The following AP3B1 variants were observed in gnomAD, a reference collection of about 807,000 sequenced individuals.
AP3B1 encodes adaptor related protein complex 3 subunit beta 1, also known as AP-3 complex subunit beta-1.
AP3B1 carries 61 observed loss-of-function variants against 132.5 expected under a neutral mutation model. The ratio of observed to expected loss-of-function variants is 0.46; its 90% CI spans 0.37 to 0.57. The LOEUF is 0.57. Ranked by LOEUF, AP3B1 falls within the 20% of genes least tolerant of loss-of-function variation. The pLI, the probability that AP3B1 is intolerant of heterozygous loss-of-function variation, is 0.00. For synonymous variants in AP3B1, 388 were observed against 438.3 expected, an observed-to-expected ratio of 0.89 and a Z score of 1.43; for missense variants, 1,120 against 1,289.4, an observed-to-expected ratio of 0.87 and a Z score of 2.01.
At chr5:78,216,029 A>C in intron 7 of AP3B1, 26 bp downstream of exon 7, 3 of 1,612,972 alleles carry the variant, frequency 1.9e-6, no homozygotes, top group Non-Finnish European at 2.5e-6. Context: ...AGTATACTTG[A>C]AAGTGGAAGA....
intron 1 of AP3B1, among the ~76,000 whole-genome samples, chr5:78,293,953 C>T (rs1279649563): frequency 6.6e-6 from 1 of 152,026 alleles, no homozygotes; most frequent in African/African-American, 2.4e-5. Context: ...TGGTGTAAAC[C>T]AGTTTGTCCA....
chr5:78,288,272 C>T (rs948022280), intron 1 of AP3B1, among the ~76,000 whole-genome samples: 7 of 152,188 alleles, frequency 4.6e-5, no homozygotes, highest in Non-Finnish European at 1.0e-4. Flanking sequence ...GGTTAGTTCA[C>T]ATTAGCCTAA....
At chr5:78,137,486 A>G (rs1026893461) in intron 15 of AP3B1, among the ~76,000 whole-genome samples, 1 of 152,198 alleles carries the variant, frequency 6.6e-6, no homozygotes, top group African/African-American at 2.4e-5. Flanking sequence ...TCAAGCCAGA[A>G]GGACTTTGAA....
intron 2 of AP3B1, among the ~76,000 whole-genome samples, chr5:78,257,304 TAAAC>T (rs1164970571): frequency 2.0e-5 from 3 of 152,098 alleles, no homozygotes; most frequent in South Asian, 4.1e-4. Flanking sequence ...TTAGAACTGA[TAAAC>T]AAATTAAGTA....
intron 15 of AP3B1, among the ~76,000 whole-genome samples, chr5:78,134,857 A>C (rs1266006820): frequency 1.3e-5 from 2 of 152,136 alleles, no homozygotes; most frequent in Non-Finnish European, 1.5e-5. Context: ...TTAGTTTCTT[A>C]ATTTCATGAC....
intron 22 of AP3B1, among the ~76,000 whole-genome samples, chr5:78,061,291 A>C (rs563968182): frequency 5.9e-5 from 9 of 152,332 alleles, no homozygotes; most frequent in African/African-American, 2.2e-4. Flanking sequence ...GACAGACATT[A>C]ATTTCTGATA....
intron 6 of AP3B1, among the ~76,000 whole-genome samples, chr5:78,225,173 T>A (rs1746353284): frequency 6.6e-6 from 1 of 152,054 alleles, no homozygotes; most frequent in African/African-American, 2.4e-5. Flanking sequence ...TCCTCAGTAG[T>A]TTTGAGAAAT....
At chr5:78,100,652 G>T (rs1336197160) in intron 21 of AP3B1, among the ~76,000 whole-genome samples, 1 of 152,184 alleles carries the variant, frequency 6.6e-6, no homozygotes, top group Non-Finnish European at 1.5e-5. Flanking sequence ...CAATGTAGAA[G>T]TTATAAGGTA....
intron 17 of AP3B1, among the ~76,000 whole-genome samples, chr5:78,124,202 G>A (rs1752362573): frequency 6.6e-6 from 1 of 152,168 alleles, no homozygotes. Flanking sequence ...CTGTTGTGGG[G>A]TGGGGCGAGT....
At chr5:78,222,933 A>T (rs753105166) in intron 6 of AP3B1, among the ~76,000 whole-genome samples, 2 of 152,088 alleles carry the variant, frequency 1.3e-5, no homozygotes, top group Non-Finnish European at 2.9e-5. Flanking sequence ...ATTCTGAAGC[A>T]ATAGTTTCTC....
At chr5:78,134,174 A>C (rs1198982314) in intron 15 of AP3B1, among the ~76,000 whole-genome samples, 1 of 148,564 alleles carries the variant, frequency 6.7e-6, no homozygotes, top group Admixed American at 6.8e-5. Flanking sequence ...AAAGAAATAC[A>C]TTATTTAAAA....
At chr5:78,237,486 A>C (rs1746927707) in intron 3 of AP3B1, among the ~76,000 whole-genome samples, 1 of 151,982 alleles carries the variant, frequency 6.6e-6, no homozygotes, top group Non-Finnish European at 1.5e-5. Context: ...AGCAAGAAGC[A>C]TACTTTAAAA....
intron 1 of AP3B1, among the ~76,000 whole-genome samples, chr5:78,294,202 C>A (rs1466857239): frequency 6.6e-6 from 1 of 152,214 alleles, no homozygotes; most frequent in African/African-American, 2.4e-5. Context: ...GATCTAAGCT[C>A]ACCAAGTGGT....
chr5:78,186,056 T>C (rs534651065), intron 7 of AP3B1, among the ~76,000 whole-genome samples: 2 of 152,014 alleles, frequency 1.3e-5, no homozygotes, highest in South Asian at 2.1e-4. Context: ...AAATAAATAA[T>C]TAGATTAAAT....
chr5:78,059,350 T>C (rs1245269044), intron 22 of AP3B1, among the ~76,000 whole-genome samples: 2 of 152,196 alleles, frequency 1.3e-5, no homozygotes, highest in African/African-American at 4.8e-5. Context: ...TGAAAAATAA[T>C]AATAAATTTG....
intron 22 of AP3B1, among the ~76,000 whole-genome samples, chr5:78,078,214 T>G (rs1282360917): frequency 3.9e-5 from 6 of 152,204 alleles, no homozygotes; most frequent in African/African-American, 1.4e-4. Flanking sequence ...AATGTCATTG[T>G]CCTTTCCTCT....
intron 6 of AP3B1, among the ~76,000 whole-genome samples, chr5:78,217,029 C>T (rs1053469192): frequency 2.0e-5 from 3 of 152,048 alleles, no homozygotes; most frequent in African/African-American, 7.2e-5. Flanking sequence ...TCTATACGTA[C>T]AAATGATATA....
At chr5:78,126,001 G>A (rs981019416) in intron 17 of AP3B1, among the ~76,000 whole-genome samples, 1 of 151,774 alleles carries the variant, frequency 6.6e-6, no homozygotes, top group Non-Finnish European at 1.5e-5. Context: ...GGTGGGTGGG[G>A]GCAGCAAGGA....
intron 7 of AP3B1, among the ~76,000 whole-genome samples, chr5:78,184,786 G>C (rs904181223): frequency 1.3e-5 from 2 of 151,826 alleles, no homozygotes; most frequent in Non-Finnish European, 2.9e-5. Flanking sequence ...AAGAGACAGA[G>C]GCAAGAGTTG....
Sources: allele counts gnomAD v4.1 joint callset (sites outside exome capture counted in the v4.1 genomes callset), GRCh38; gene constraint gnomAD v4.1.1; transcripts MANE v1.5; gene names NCBI Gene and HGNC (gene_info 2026-07-23, HGNC 2026-07-21).